RPS6KC1: variants seen among roughly 807,000 people sequenced by gnomAD.
RPS6KC1 encodes the protein ribosomal protein S6 kinase C1.
A neutral mutation model predicts 103.8 loss-of-function variants in RPS6KC1; 54 were observed. The ratio of observed to expected loss-of-function variants is 0.52; its 90% CI spans 0.42 to 0.65. RPS6KC1 has a LOEUF of 0.65. Ranked by LOEUF, RPS6KC1 falls within the 30% of genes least tolerant of loss-of-function variation. RPS6KC1 has a pLI of 0.00. For synonymous variants in RPS6KC1, 439 were observed against 438.7 expected, an observed-to-expected ratio of 1.00 and a Z score of -0.01; for missense variants, 1,151 against 1,253.8, an observed-to-expected ratio of 0.92 and a Z score of 1.24.
rs532495263 is a variant in RPS6KC1 at position 213,215,552 on chromosome 1, G to C, written c.1045-14945G>C. Among the ~76,000 whole-genome samples, 14 of 152,244 alleles carry C rather than the reference G, an allele frequency of 9.2e-5. No individual in the cohort carries two copies. The East Asian group carries it at 2.7e-3, about 29-fold the overall frequency. ...ATGCCACAAAGATACTCCTCGAGAA[G>C]AGCAACTCCAAGACACATAATTGTC... On this transcript the variant is annotated intron_variant, in intron 8 of 14. Coordinates refer to ENST00000366960, the MANE Select transcript of RPS6KC1 (RefSeq NM_012424.6).
chr1:213,468,266 C>T, the RPS6KC1 span, among the ~76,000 whole-genome samples: 14 of 152,116 alleles, frequency 9.2e-5, no homozygotes, highest in Non-Finnish European at 1.9e-4. Context: ...TTGGAATATA[C>T]GTGTATACTT....
At chr1:213,121,660 A>G (rs561861933) in intron 5 of RPS6KC1, among the ~76,000 whole-genome samples, 1 of 152,194 alleles carries the variant, frequency 6.6e-6, no homozygotes, top group East Asian at 1.9e-4. Flanking sequence ...AAGGGTGTAG[A>G]TTGCTTTGGT....
At chr1:213,751,102 A>G in the RPS6KC1 span, among the ~76,000 whole-genome samples, 2 of 152,100 alleles carry the variant, frequency 1.3e-5, no homozygotes, top group Non-Finnish European at 2.9e-5. Flanking sequence ...ATAGATACCA[A>G]TTTTAGCAAT....
chr1:213,406,839 A>G, the RPS6KC1 span, among the ~76,000 whole-genome samples: 1 of 152,136 alleles, frequency 6.6e-6, no homozygotes, highest in African/African-American at 2.4e-5. Context: ...ATCGTGCCAC[A>G]TTGTTACACT....
chr1:213,598,684 G>A, the RPS6KC1 span, among the ~76,000 whole-genome samples: 4 of 152,090 alleles, frequency 2.6e-5, no homozygotes, highest in Admixed American at 6.5e-5. Flanking sequence ...TTGGGAGGCC[G>A]AGGCAGGCAG....
At chr1:213,620,989 C>A in the RPS6KC1 span, among the ~76,000 whole-genome samples, 1 of 152,128 alleles carries the variant, frequency 6.6e-6, no homozygotes, top group Non-Finnish European at 1.5e-5. Flanking sequence ...CTCTTAATAC[C>A]CTGGTTTGAG....
the RPS6KC1 span, among the ~76,000 whole-genome samples, chr1:213,795,272 T>C: frequency 6.6e-6 from 1 of 152,294 alleles, no homozygotes; most frequent in South Asian, 2.1e-4. Context: ...TGTTAGACAT[T>C]CTGGAATAGG....
chr1:213,395,396 G>A, the RPS6KC1 span, among the ~76,000 whole-genome samples: 1 of 152,304 alleles, frequency 6.6e-6, no homozygotes, highest in South Asian at 2.1e-4. Flanking sequence ...CATTTCTTCA[G>A]GAAACCTTCC....
At chr1:213,424,017 C>T in the RPS6KC1 span, among the ~76,000 whole-genome samples, 1 of 152,196 alleles carries the variant, frequency 6.6e-6, no homozygotes, top group Non-Finnish European at 1.5e-5. Context: ...ACATGCAAAG[C>T]CTCCTACAGC....
chr1:213,491,131 T>A, the RPS6KC1 span, among the ~76,000 whole-genome samples: 1 of 152,148 alleles, frequency 6.6e-6, no homozygotes, highest in Non-Finnish European at 1.5e-5. Context: ...AAAACGCTAC[T>A]CTTATCTGGA....
chr1:213,218,703 C>G (rs956170836), intron 8 of RPS6KC1, among the ~76,000 whole-genome samples: 26 of 152,284 alleles, frequency 1.7e-4, no homozygotes, highest in Non-Finnish European at 2.9e-4. Flanking sequence ...ACAGAGCCCT[C>G]AGAAATAACG....
At chr1:213,840,962 T>C in the RPS6KC1 span, 1 of 152,150 alleles carries the variant, frequency 6.6e-6, no homozygotes, top group African/African-American at 2.4e-5. Flanking sequence ...CAGCTCAGGA[T>C]CCACAAGCCG....
chr1:213,785,159 G>A, the RPS6KC1 span, among the ~76,000 whole-genome samples: 1 of 152,146 alleles, frequency 6.6e-6, no homozygotes, highest in Non-Finnish European at 1.5e-5. Context: ...ATTGTTGGGT[G>A]TAGCATCAAA....
At chr1:213,472,562 G>A in the RPS6KC1 span, among the ~76,000 whole-genome samples, 1 of 152,166 alleles carries the variant, frequency 6.6e-6, no homozygotes, top group Non-Finnish European at 1.5e-5. Context: ...ATCTACAATA[G>A]TTTTTAGGGC....
At chr1:213,269,554 T>C (rs2094991755) in intron 14 of RPS6KC1, among the ~76,000 whole-genome samples, 1 of 152,178 alleles carries the variant, frequency 6.6e-6, no homozygotes, top group Non-Finnish European at 1.5e-5. Context: ...TTTAAAGGAA[T>C]TGAATTCATA....
At chr1:213,456,891 G>T in the RPS6KC1 span, among the ~76,000 whole-genome samples, 2 of 152,212 alleles carry the variant, frequency 1.3e-5, no homozygotes, top group Admixed American at 1.3e-4. Flanking sequence ...TCTTAATGTG[G>T]CTATGAATCT....
At chr1:213,327,894 TCTC>T in the RPS6KC1 span, among the ~76,000 whole-genome samples, 1 of 152,116 alleles carries the variant, frequency 6.6e-6, no homozygotes, top group African/African-American at 2.4e-5. Context: ...TCATCAGTCA[TCTC>T]CTCATCAATC....
chr1:213,336,109 A>T, the RPS6KC1 span, among the ~76,000 whole-genome samples: 2 of 152,354 alleles, frequency 1.3e-5, 1 homozygote, highest in South Asian at 4.1e-4. Context: ...TTTGCTACAC[A>T]ATACATTTGA....
the RPS6KC1 span, among the ~76,000 whole-genome samples, chr1:213,854,011 T>A: frequency 2.6e-5 from 4 of 152,120 alleles, no homozygotes; most frequent in Non-Finnish European, 5.9e-5. Context: ...ACATCTCCCT[T>A]TGTAAGATGA....
Sources: allele counts gnomAD v4.1 joint callset (sites outside exome capture counted in the v4.1 genomes callset), GRCh38; gene constraint gnomAD v4.1.1; transcripts MANE v1.5; gene names NCBI Gene and HGNC (gene_info 2026-07-23, HGNC 2026-07-21).